Variants in CARMIL1 observed in about 807,000 individuals in gnomAD.
CARMIL1 encodes F-actin-uncapping protein LRRC16A.
A neutral mutation model predicts 177.1 loss-of-function variants in CARMIL1; 90 were observed. The ratio of observed to expected loss-of-function variants is 0.51; its 90% CI spans 0.43 to 0.61. The LOEUF is 0.61. CARMIL1 is among the 20% of genes least tolerant of loss of function. The pLI, the probability that CARMIL1 is intolerant of heterozygous loss-of-function variation, is 0.00. For missense variants in CARMIL1, 1,380 were observed against 1,667.0 expected, an observed-to-expected ratio of 0.83 and a Z score of 3.00; for synonymous variants, 577 against 606.2, an observed-to-expected ratio of 0.95 and a Z score of 0.71.
chr6:25,334,333 A>C (rs1212079868), intron 2 of CARMIL1, among the ~76,000 whole-genome samples: 2 of 152,232 alleles, frequency 1.3e-5, no homozygotes, highest in African/African-American at 4.8e-5. Flanking sequence ...GAGAGAGTGA[A>C]TGTATTATAG....
At chr6:25,347,335 G>T (rs75692755) in intron 2 of CARMIL1, among the ~76,000 whole-genome samples, 1 of 152,304 alleles carries the variant, frequency 6.6e-6, no homozygotes, top group South Asian at 2.1e-4. Flanking sequence ...ATTTAGCCAT[G>T]TGATATTTTA....
At chr6:25,485,260 C>T (rs1802518114) in intron 12 of CARMIL1, among the ~76,000 whole-genome samples, 1 of 152,108 alleles carries the variant, frequency 6.6e-6, no homozygotes, top group African/African-American at 2.4e-5. Flanking sequence ...AGCTGGGCTT[C>T]TCCACCTCCT....
chr6:25,525,101 A>G (rs9366625), intron 23 of CARMIL1, among the ~76,000 whole-genome samples: 25,367 of 152,098 alleles, frequency 0.17, 2,369 homozygotes, highest in East Asian at 0.41. Context: ...GAAATTCACA[A>G]CAGACACTAA....
intron 2 of CARMIL1, among the ~76,000 whole-genome samples, chr6:25,320,626 C>G (rs1022956032): frequency 2.6e-5 from 4 of 152,242 alleles, no homozygotes; most frequent in South Asian, 2.1e-4. Context: ...GCAGTGACCT[C>G]TTCCTGCAGG....
rs189926224 is a variant in CARMIL1, at chr6:25,583,827, C to G, written c.3006+2388C>G. ...GTAGATAGATAAAAAGACAACCCCC[C>G]CCACCCGCCTCCCGCCCAACAACCC... is the stretch of plus-strand genomic sequence containing the variant. On this transcript the variant is annotated intron_variant, in intron 31 of 36. Transcript: ENST00000329474. 3.8e-3 allele frequency among the ~76,000 whole-genome samples: 582 copies of G among 151,540 alleles called. 2 individuals are homozygous for G. Among genetic ancestry groups the G allele is most frequent in the African/African-American group, 0.013 (551 of 41,246 alleles).
At chr6:25,528,510 G>T (rs1055818703) in intron 23 of CARMIL1, among the ~76,000 whole-genome samples, 1 of 152,082 alleles carries the variant, frequency 6.6e-6, no homozygotes, top group Non-Finnish European at 1.5e-5. Context: ...CACGAAGTGG[G>T]GTCTCTAACC....
Position 25,340,046 on chromosome 6 carries a change from C to T in CARMIL1, c.138+55137C>T, listed in dbSNP as rs1462368879. ...GAAATAATCGATTTTGTAATTTATT[C>T]GGCTCCTTATTACTTTTCCATTCTT... is the stretch of plus-strand genomic sequence containing the variant. On this transcript the variant is annotated intron_variant, in intron 2 of 36. Transcript: ENST00000329474. Among the ~76,000 whole-genome samples, 97 of 152,120 alleles carry T rather than the reference C, an allele frequency of 6.4e-4. 1 individual carries two copies. Among genetic ancestry groups the T allele is most frequent in the Non-Finnish European group, 1.0e-4 (7 of 68,034 alleles).
At chr6:25,451,987 C>CGGGGG in intron 8 of CARMIL1, 1 of 62,880 alleles carries the variant, frequency 1.6e-5, no homozygotes, top group Non-Finnish European at 3.3e-5. Flanking sequence ...TAGCATCTTG[C>CGGGGG]CCCCCCCTCC....
At position 25,308,377 on chromosome 6, in the gene CARMIL1, ATTTTTTTTTTTT is replaced by A. The variant is rs35167760; in HGVS notation, c.138+23479_138+23490del. ...CCGTGAGAAGGACTATTGTACAACC[ATTTTTTTTTTTT>A]TTTTTTTTTTGAGATGGAGTCTCCC... On this transcript the variant is annotated intron_variant, in intron 2 of 36. Transcript: ENST00000329474. Among the ~76,000 whole-genome samples the A allele has an allele frequency of 2.7e-4, 32 of 118,834 alleles. No homozygotes were observed. The East Asian group carries it at 7.2e-3, about 27-fold the overall frequency. The allele number at this position is 118,834 out of a possible 152,430, so 78.0% of individuals were successfully genotyped here. A position where few individuals can be genotyped will look rare whatever the true frequency, so the allele number is the denominator to read the frequency against.
At chr6:25,359,025 C>T (rs1788915391) in intron 2 of CARMIL1, among the ~76,000 whole-genome samples, 1 of 152,132 alleles carries the variant, frequency 6.6e-6, no homozygotes, top group Non-Finnish European at 1.5e-5. Flanking sequence ...ACAATGTATT[C>T]TGTGGTGGTT....
At position 25,495,230 on chromosome 6, in the gene CARMIL1, C is replaced by G. The variant is rs1395237652; in HGVS notation, c.1325+15C>G. The G allele has an allele frequency of 6.6e-7, 1 of 1,526,160 alleles. No homozygotes were observed. The highest frequency in any genetic ancestry group is 1.2e-5 in the South Asian group (1 of 85,080). 94.5% of individuals were successfully genotyped at this position (1,526,160 alleles called of 1,614,324 possible). ...GAGCCCTTAAAGTGAGTGGTTAATT[C>G]ACTTTCTCCAGAGCTTTTAAAGTTC... On this transcript the variant is annotated intron_variant, in intron 16 of 36. Transcript: ENST00000329474.
At chr6:25,282,361 G>C (rs1191436298) in intron 1 of CARMIL1, among the ~76,000 whole-genome samples, 1 of 152,094 alleles carries the variant, frequency 6.6e-6, no homozygotes, top group African/African-American at 2.4e-5. Flanking sequence ...GTTCTGATAA[G>C]ATAGGAGCTT....
At chr6:25,297,834 A>G (rs1453581818) in intron 2 of CARMIL1, among the ~76,000 whole-genome samples, 1 of 152,204 alleles carries the variant, frequency 6.6e-6, no homozygotes, top group East Asian at 1.9e-4. Context: ...TTCTTTATTC[A>G]TCAGAGTAGG....
chr6:25,380,466 A>G (rs780147176), intron 2 of CARMIL1, among the ~76,000 whole-genome samples: 3 of 152,176 alleles, frequency 2.0e-5, no homozygotes, highest in Admixed American at 6.5e-5. Context: ...GGCTCTCTGG[A>G]GTGGTTTGCT....
rs1812598744 is a variant in CARMIL1 at position 25,576,487 on chromosome 6, G to A, written c.2743-4437G>A. On this transcript the variant is annotated intron_variant, in intron 29 of 36. Coordinates refer to ENST00000329474, the MANE Select transcript of CARMIL1 (RefSeq NM_017640.6). ...GTGGGAGCACAGAGTGATGTAAATGGCCCCAGAAGAGACGCCTGTACATGC... is the reference window on the plus strand; with the variant it reads ...GTGGGAGCACAGAGTGATGTAAATGACCCCAGAAGAGACGCCTGTACATGC... 3.3e-5 allele frequency among the ~76,000 whole-genome samples: 5 copies of A among 152,222 alleles called. No homozygotes were observed. The South Asian group carries it at 1.0e-3, about 32-fold the overall frequency.
intron 2 of CARMIL1, among the ~76,000 whole-genome samples, chr6:25,370,488 A>T (rs1790295709): frequency 1.3e-5 from 2 of 152,206 alleles, no homozygotes; most frequent in Non-Finnish European, 1.5e-5. Context: ...CTGGCTAGTA[A>T]AGAAGACGTG....
At chr6:25,300,209 AT>A (rs998420336) in intron 2 of CARMIL1, among the ~76,000 whole-genome samples, 1 of 152,194 alleles carries the variant, frequency 6.6e-6, no homozygotes, top group African/African-American at 2.4e-5. Flanking sequence ...TAAAATGCTT[AT>A]TTTTGAAATA....
intron 36 of CARMIL1, among the ~76,000 whole-genome samples, chr6:25,611,437 A>G (rs752331603): frequency 4.6e-5 from 7 of 152,196 alleles, no homozygotes; most frequent in Non-Finnish European, 1.0e-4. Flanking sequence ...TCTCAGAGAG[A>G]CTTGAGCCTG....
At chr6:25,382,640 A>G (rs188649960) in intron 2 of CARMIL1, among the ~76,000 whole-genome samples, 122 of 152,256 alleles carry the variant, frequency 8.0e-4, no homozygotes, top group Middle Eastern at 3.4e-3. Context: ...CTTTAGACAC[A>G]GAGTGCTGAT....
Sources: allele counts gnomAD v4.1 joint callset (sites outside exome capture counted in the v4.1 genomes callset), GRCh38; gene constraint gnomAD v4.1.1; transcripts MANE v1.5; gene names NCBI Gene and HGNC (gene_info 2026-07-23, HGNC 2026-07-21).